Variants in LSM14A observed in about 807,000 individuals in gnomAD.
LSM14A encodes LSM14A mRNA processing body assembly factor.
LSM14A carries 14 observed loss-of-function variants against 52.4 expected under a neutral mutation model. The ratio of observed to expected loss-of-function variants is 0.27; its 90% CI spans 0.18 to 0.42. LSM14A has a LOEUF of 0.42. LSM14A is among the 10% of genes least tolerant of loss of function. The pLI is 1.00. For synonymous variants in LSM14A, 185 were observed against 200.3 expected, an observed-to-expected ratio of 0.92 and a Z score of 0.64; for missense variants, 417 against 581.8, an observed-to-expected ratio of 0.72 and a Z score of 2.91.
intron 1 of LSM14A, among the ~76,000 whole-genome samples, chr19:34,189,551 T>G (rs2070194565): frequency 6.6e-6 from 1 of 152,142 alleles, no homozygotes; most frequent in South Asian, 2.1e-4. Context: ...TACATTGGAA[T>G]GTGTAGTTGC....
intron 4 of LSM14A, among the ~76,000 whole-genome samples, chr19:34,212,553 A>G (rs1467486271): frequency 6.6e-6 from 1 of 152,240 alleles, no homozygotes; most frequent in Non-Finnish European, 1.5e-5. Flanking sequence ...ATGACAAATG[A>G]CAAGTCCTAA....
At chr19:34,206,631 C>T (rs1007849845) in intron 3 of LSM14A, among the ~76,000 whole-genome samples, 27 of 151,294 alleles carry the variant, frequency 1.8e-4, no homozygotes, top group African/African-American at 6.1e-4. Context: ...GCTGAGATCG[C>T]GCCACTGCAC....
intron 2 of LSM14A, 64 bp from the exon 3 acceptor site, chr19:34,196,570 T>A: frequency 7.2e-7 from 1 of 1,392,494 alleles, no homozygotes; most frequent in Non-Finnish European, 9.5e-7. Flanking sequence ...AAATCTGGAA[T>A]TTTTTTTTTC....
chr19:34,174,818 A>C (rs2068969642), intron 1 of LSM14A, among the ~76,000 whole-genome samples: 1 of 152,218 alleles, frequency 6.6e-6, no homozygotes, highest in Admixed American at 6.5e-5. Flanking sequence ...GTTTTAAAGT[A>C]TTGCTTTACC....
intron 1 of LSM14A, among the ~76,000 whole-genome samples, chr19:34,185,164 G>A (rs908187964): frequency 2.6e-5 from 4 of 152,160 alleles, no homozygotes; most frequent in Admixed American, 1.3e-4. Context: ...AGTTAAGTGC[G>A]AAGAAGTTGA....
chr19:34,194,678 A>G, intron 2 of LSM14A, 37 bp downstream of exon 2: 1 of 1,602,556 alleles, frequency 6.2e-7, no homozygotes, highest in South Asian at 1.1e-5. Flanking sequence ...GTACAGGTAA[A>G]CTCCGCACAG....
chr19:34,172,774 C>G lies in LSM14A; in HGVS notation c.121+11C>G. Reference sequence around the variant, plus strand: ...TAGCCCTTGCCAAAGGTACGCGGGACCGGGCCTCAGGGTGGGGGCCGAGCC... The same window carrying G: ...TAGCCCTTGCCAAAGGTACGCGGGAGCGGGCCTCAGGGTGGGGGCCGAGCC... On this transcript the variant is annotated intron_variant, in intron 1 of 9. Coordinates refer to ENST00000544216, the MANE Select transcript of LSM14A (RefSeq NM_015578.4). The G allele has an allele frequency of 6.4e-7, 1 of 1,565,994 alleles. No individual in the cohort carries two copies. The highest frequency in any genetic ancestry group is 8.6e-7 in the Non-Finnish European group (1 of 1,158,464).
intron 1 of LSM14A, among the ~76,000 whole-genome samples, chr19:34,185,109 A>G (rs1467227581): frequency 1.3e-5 from 2 of 152,268 alleles, no homozygotes; most frequent in African/African-American, 4.8e-5. Context: ...GCTCTTAACA[A>G]GATGGCTTTG....
At position 34,202,718 on chromosome 19, in the gene LSM14A, C is replaced by T. The variant is rs551475173; in HGVS notation, c.415+5955C>T. Among the ~76,000 whole-genome samples the T allele has an allele frequency of 2.6e-5, 4 of 152,172 alleles. No individual in the cohort carries two copies. In the East Asian group the frequency reaches 5.8e-4, roughly 22 times the overall value. ...CTGCCCAGGCTGGAGTGCAGTGGCG[C>T]ATCTCCGCTCACTGCAAGCTCCACC... On this transcript the variant is annotated intron_variant, in intron 3 of 9. Transcript: ENST00000544216.
intron 3 of LSM14A, among the ~76,000 whole-genome samples, chr19:34,200,344 T>G (rs968381308): frequency 6.6e-6 from 1 of 152,210 alleles, no homozygotes; most frequent in Admixed American, 6.5e-5. Flanking sequence ...AAAAGAAAAC[T>G]TAAAAAGTTG....
Position 34,172,634 on chromosome 19 carries a change from G to A in LSM14A, c.-9G>A, listed in dbSNP as rs1445561602. 16 of 1,555,472 alleles carry A rather than the reference G, an allele frequency of 1.0e-5. No individual in the cohort carries two copies. Among genetic ancestry groups the A allele is most frequent in the Admixed American group, 3.9e-5 (2 of 51,484 alleles). On this transcript the variant is annotated 5_prime_UTR_variant, in exon 1 of 10. Coordinates refer to ENST00000544216, the MANE Select transcript of LSM14A (RefSeq NM_015578.4). The stretch of plus-strand genomic sequence containing the variant: ...TCTGCGAGCAGCTGGGAGCGGCGGC[G>A]GCGGCGCCATGAGCGGGGGCACCCC...
Position 34,228,334 on chromosome 19 carries a change from A to G in LSM14A, c.*946A>G, listed in dbSNP as rs1352905859. 2 of 152,670 alleles carry G rather than the reference A, an allele frequency of 1.3e-5. No homozygotes were observed. Among genetic ancestry groups the G allele is most frequent in the African/African-American group, 4.8e-5 (2 of 41,466 alleles). 9.5% of individuals were successfully genotyped at this position (152,670 alleles called of 1,614,324 possible). ...ATCTGTCCAGATAATCGATATTTTCAGTATACAAATGTAAATAATCACAGA... is the reference window on the plus strand; with the variant it reads ...ATCTGTCCAGATAATCGATATTTTCGGTATACAAATGTAAATAATCACAGA... On this transcript the variant is annotated 3_prime_UTR_variant, in exon 10 of 10. Coordinates refer to ENST00000544216, the MANE Select transcript of LSM14A (RefSeq NM_015578.4).
At chr19:34,204,737 T>TA (rs965088536) in intron 3 of LSM14A, among the ~76,000 whole-genome samples, 3 of 152,148 alleles carry the variant, frequency 2.0e-5, no homozygotes, top group East Asian at 1.9e-4. Context: ...AAAATTAAAT[T>TA]AAAAAAATTT....
At chr19:34,176,362 G>A (rs1186915280) in intron 1 of LSM14A, among the ~76,000 whole-genome samples, 1 of 151,848 alleles carries the variant, frequency 6.6e-6, no homozygotes, top group Non-Finnish European at 1.5e-5. Context: ...AGATAAAAAT[G>A]AAATATTTTT....
At chr19:34,190,701 C>T (rs1171899256) in intron 1 of LSM14A, among the ~76,000 whole-genome samples, 1 of 152,090 alleles carries the variant, frequency 6.6e-6, no homozygotes, top group Admixed American at 6.5e-5. Context: ...GTTTGTTACA[C>T]TTTGTAACTT....
At chr19:34,173,582 A>G (rs929013628) in intron 1 of LSM14A, among the ~76,000 whole-genome samples, 1 of 152,142 alleles carries the variant, frequency 6.6e-6, no homozygotes, top group Non-Finnish European at 1.5e-5. Context: ...CACAGTGTTA[A>G]TATTTGGCAT....
intron 3 of LSM14A, among the ~76,000 whole-genome samples, chr19:34,197,356 G>A (rs2070919106): frequency 6.6e-6 from 1 of 151,298 alleles, no homozygotes; most frequent in Admixed American, 6.6e-5. Flanking sequence ...CTCCCAAAGT[G>A]CTAGGATTAC....
chr19:34,196,334 GTTACT>G (rs1020389977), intron 2 of LSM14A, among the ~76,000 whole-genome samples: 11 of 152,132 alleles, frequency 7.2e-5, no homozygotes, highest in Admixed American at 4.6e-4. Flanking sequence ...TTTAAGCAAA[GTTACT>G]TTACTTAAGT....
rs375750753 is a variant in LSM14A at position 34,216,329 on chromosome 19, C to T, written c.781+668C>T. Among the ~76,000 whole-genome samples the T allele has an allele frequency of 4.2e-4, 64 of 151,106 alleles. No homozygotes were observed. The South Asian group carries it at 4.6e-3, about 11-fold the overall frequency. On this transcript the variant is annotated intron_variant, in intron 6 of 9. Coordinates refer to ENST00000544216, the MANE Select transcript of LSM14A (RefSeq NM_015578.4). ...TCAGGAGGCTGAGGCAGGAGAATGG[C>T]GTGAACTGGGGAGGTGGAGCTTGCA...
Sources: allele counts gnomAD v4.1 joint callset (sites outside exome capture counted in the v4.1 genomes callset), GRCh38; gene constraint gnomAD v4.1.1; transcripts MANE v1.5; gene names NCBI Gene and HGNC (gene_info 2026-07-23, HGNC 2026-07-21).